The following COL5A1 variants were observed in gnomAD, a reference collection of about 807,000 sequenced individuals.
COL5A1 encodes the protein collagen type V alpha 1 chain.
Under a neutral mutation model 263.7 loss-of-function variants are expected in COL5A1, and 16 were observed. That is an observed-to-expected ratio of 0.06 (90% CI 0.04 to 0.09). The LOEUF (loss-of-function observed/expected upper bound fraction) is 0.09, where lower values mean the gene tolerates loss of function less well. Ranked by LOEUF, COL5A1 falls within the 10% of genes least tolerant of loss-of-function variation. COL5A1 has a pLI of 1.00. For synonymous variants in COL5A1, 1,012 were observed against 1,004.5 expected (o/e 1.01, Z -0.14); for missense variants, 2,036 against 2,540.5 (o/e 0.80, Z 4.27).
chr9:134,795,466 C>T (rs1361047817), intron 34 of COL5A1, 151 bp downstream of exon 34: 2 of 675,878 alleles, frequency 3.0e-6, no homozygotes, highest in East Asian at 2.7e-5. Flanking sequence ...GAAGCTTGTC[C>T]CCTCCAGCAG....
intron 32 of COL5A1, among the ~76,000 whole-genome samples, chr9:134,790,092 C>T (rs868128421): frequency 1.3e-5 from 2 of 152,200 alleles, no homozygotes; most frequent in Non-Finnish European, 2.9e-5. Flanking sequence ...CTCCTATGCC[C>T]CATCCTGCTG....
rs755818283 is a variant in COL5A1 at position 134,835,036 on chromosome 9, G to C, written c.5202G>C (p.Leu1734=). Residue 1734 remains leucine, a synonymous_variant, in exon 65 of 66, where the codon CTG becomes CTC. Transcript: ENST00000371817. ...GVVQMTFLRL[L]SASAHQNVTY... ...TACAGATGACCTTCCTGCGGCTGCT[G>C]AGCGCCTCTGCCCACCAGAACGTCA... 1.2e-6 allele frequency: 2 copies of C among 1,613,344 alleles called. No individual in the cohort carries two copies. Among genetic ancestry groups the C allele is most frequent in the Admixed American group, 3.3e-5 (2 of 59,996 alleles).
At chr9:134,792,611 C>T (rs527927641) in intron 32 of COL5A1, among the ~76,000 whole-genome samples, 5 of 152,216 alleles carry the variant, frequency 3.3e-5, no homozygotes, top group East Asian at 1.9e-4. Flanking sequence ...GTGATCTGCC[C>T]GCCTCAGCCT....
intron 65 of COL5A1, among the ~76,000 whole-genome samples, chr9:134,840,219 G>T (rs1839980469): frequency 6.6e-6 from 1 of 152,338 alleles, no homozygotes; most frequent in South Asian, 2.1e-4. Context: ...CGTTCTCTCT[G>T]AAGTTCCAAT....
Position 134,805,083 on chromosome 9 carries a change from G to A in COL5A1, c.3204+19G>A, listed in dbSNP as rs759114601. On this transcript the variant is annotated intron_variant, in intron 40 of 65. Coordinates refer to ENST00000371817, the MANE Select transcript of COL5A1 (RefSeq NM_000093.5). ...TCCAGTGGTGAGTGAGAGGCCAGGC[G>A]GGGAATGAAATGGGACAGGTGCAGC... The A allele has an allele frequency of 6.2e-6, 10 of 1,613,688 alleles. 1 individual carries two copies. Among genetic ancestry groups the A allele is most frequent in the African/African-American group, 1.3e-5 (1 of 74,942 alleles).
intron 24 of COL5A1, among the ~76,000 whole-genome samples, chr9:134,767,692 T>A (rs1297609696): frequency 1.3e-5 from 2 of 152,174 alleles, no homozygotes; most frequent in African/African-American, 2.4e-5. Flanking sequence ...TTTGTTGTTG[T>A]TTATTTTGGT....
chr9:134,761,780 C>A lies in COL5A1; in HGVS notation c.1936-145C>A. 3 of 851,110 alleles carry A rather than the reference C, an allele frequency of 3.5e-6. No homozygotes were observed. The South Asian group carries it at 4.1e-5, about 12-fold the overall frequency. The allele number at this position is 851,110 out of a possible 1,614,324, so 52.7% of individuals were successfully genotyped here. ...GCCCGGCTGAGGCACACGTGATCTT[C>A]TAAGGAAAATTCCCCCATTCTGGAA... is the stretch of plus-strand genomic sequence containing the variant. On this transcript the variant is annotated intron_variant, in intron 18 of 65. Coordinates refer to ENST00000371817, the MANE Select transcript of COL5A1 (RefSeq NM_000093.5).
At chr9:134,822,957 G>A (rs756747277) in intron 59 of COL5A1, 41 bp from the exon 60 acceptor site, 59 of 1,613,536 alleles carry the variant, frequency 3.7e-5, no homozygotes, top group Non-Finnish European at 4.8e-5. Flanking sequence ...GGCTGGAGCT[G>A]AGACCCGGCT....
intron 2 of COL5A1, among the ~76,000 whole-genome samples, chr9:134,698,487 A>G (rs1345393963): frequency 6.6e-6 from 1 of 152,238 alleles, no homozygotes; most frequent in Non-Finnish European, 1.5e-5. Context: ...CTCATTTTGC[A>G]GAACCTCAGG....
Position 134,789,225 on chromosome 9 carries a change from C to T in COL5A1, c.2700+17C>T, listed in dbSNP as rs1167905070. 6.2e-7 allele frequency: 1 copy of T among 1,611,074 alleles called. No individual in the cohort carries two copies. Among genetic ancestry groups the T allele is most frequent in the Middle Eastern group, 1.7e-4 (1 of 6,056 alleles). On this transcript the variant is annotated intron_variant, in intron 32 of 65. Transcript: ENST00000371817. The surrounding 1 kb of genome is among the most constrained non-coding windows in gnomAD (Gnocchi z 4.8). ...GGCGGCAGGGTAAGGATAGCCTGGCCCCTGGGCAGGCAGCTTGTTCGGCTG... is the reference window on the plus strand; with the variant it reads ...GGCGGCAGGGTAAGGATAGCCTGGCTCCTGGGCAGGCAGCTTGTTCGGCTG...
chr9:134,779,054 G>A (rs72774451), intron 27 of COL5A1, among the ~76,000 whole-genome samples: 4,375 of 152,360 alleles, frequency 0.029, 63 homozygotes, highest in East Asian at 0.039. Context: ...TGCCAAGTAT[G>A]TGGGAAGTTC....
In COL5A1 at chr9:134,803,006, G is replaced by GT. The variant is rs751977913; in HGVS notation, c.3114+11_3114+12insT. ...AAAGAAGGGACGAAGGTGAGTTTCTGGAGCCTTCTGTGTCAGCTCAGGCGT... is the reference window on the plus strand; with the variant it reads ...AAAGAAGGGACGAAGGTGAGTTTCTGTGAGCCTTCTGTGTCAGCTCAGGCGT... On this transcript the variant is annotated intron_variant, in intron 39 of 65. Coordinates refer to ENST00000371817, the MANE Select transcript of COL5A1 (RefSeq NM_000093.5). 2 of 1,579,638 alleles carry GT rather than the reference G, an allele frequency of 1.3e-6. No individual in the cohort carries two copies.
At chr9:134,760,619 ACACC>A (rs1564440652) in intron 18 of COL5A1, among the ~76,000 whole-genome samples, 1 of 110,648 alleles carries the variant, frequency 9.0e-6, no homozygotes, top group African/African-American at 4.0e-5. Flanking sequence ...GCACACACAC[ACACC>A]CACACACCCC....
chr9:134,699,876 C>T (rs377134378), intron 2 of COL5A1, 33 bp from the exon 3 acceptor site: 34 of 1,607,216 alleles, frequency 2.1e-5, no homozygotes, highest in African/African-American at 8.0e-5. Context: ...AGGGGCTCCC[C>T]GACTGCCTTC....
rs534444869 is a variant in COL5A1 at position 134,746,307 on chromosome 9, C to T, written c.1495-4235C>T. 5.1e-4 allele frequency among the ~76,000 whole-genome samples: 78 copies of T among 152,308 alleles called. 1 individual carries two copies. The highest frequency in any genetic ancestry group is 1.6e-3 in the African/African-American group (65 of 41,566). ...ACTGCCCTCCTGCTCCAGCTCTTTC[C>T]GAGAGTGGAAGGGAGCTTTTCAACA... On this transcript the variant is annotated intron_variant, in intron 11 of 65. Coordinates refer to ENST00000371817, the MANE Select transcript of COL5A1 (RefSeq NM_000093.5).
intron 1 of COL5A1, among the ~76,000 whole-genome samples, chr9:134,651,005 C>G (rs943215517): frequency 2.0e-5 from 3 of 152,246 alleles, no homozygotes; most frequent in South Asian, 2.1e-4. Flanking sequence ...ACGCAAGCAG[C>G]CTCTGTCCAT....
intron 35 of COL5A1, 85 bp from the exon 36 acceptor site, chr9:134,796,763 G>A: frequency 7.8e-7 from 1 of 1,279,668 alleles, no homozygotes; most frequent in Non-Finnish European, 1.1e-6. Context: ...CCTGCGTTCA[G>A]AGAGCCACCG....
chr9:134,688,381 G>A (rs889683957), intron 1 of COL5A1, among the ~76,000 whole-genome samples: 2 of 152,206 alleles, frequency 1.3e-5, no homozygotes, highest in African/African-American at 4.8e-5. Flanking sequence ...CCAGGGCTCG[G>A]CACTGTGTCA....
At chr9:134,655,827 G>A (rs1831952712) in intron 1 of COL5A1, among the ~76,000 whole-genome samples, 1 of 152,174 alleles carries the variant, frequency 6.6e-6, no homozygotes, top group Admixed American at 6.5e-5. Context: ...ATGGCACGTG[G>A]GCTTGTCAGA....
Sources: gnomAD v4.1 joint callset for allele counts (sites outside exome capture counted in the v4.1 genomes callset) on GRCh38, gnomAD v4.1.1 for gene constraint, Gnocchi (gnomAD v3.1) non-coding constraint, MANE v1.5 for transcripts, NCBI Gene and HGNC (gene_info 2026-07-23, HGNC 2026-07-21) for gene names.